RBFOX1: variants seen among roughly 807,000 people sequenced by gnomAD.
RBFOX1 encodes RNA binding protein fox-1 homolog 1.
A neutral mutation model predicts 57.7 loss-of-function variants in RBFOX1; 8 were observed. That is an observed-to-expected ratio of 0.14 (90% confidence interval 0.08 to 0.25). The LOEUF is 0.25. Among genes scored for constraint, RBFOX1 ranks in the 10% least tolerant of loss-of-function variants. RBFOX1 has a pLI of 1.00. For synonymous variants in RBFOX1, 326 were observed against 222.4 expected (o/e 1.47, Z -4.15); for missense variants, 611 against 548.5 (o/e 1.11, Z -1.14).
At chr16:6,658,599 A>G (rs761543214) in intron 3 of RBFOX1, among the ~76,000 whole-genome samples, 1 of 152,134 alleles carries the variant, frequency 6.6e-6, no homozygotes, top group Non-Finnish European at 1.5e-5. Flanking sequence ...AGAATAAAAG[A>G]ATTTTTATCC....
chr16:7,654,368 G>A (rs967729078), intron 12 of RBFOX1, among the ~76,000 whole-genome samples: 3 of 152,186 alleles, frequency 2.0e-5, no homozygotes, highest in East Asian at 1.9e-4. Context: ...CGTCTTGCTC[G>A]CCTCCCCAGG....
chr16:5,395,818 G>C (rs1236403682), intron 1 of RBFOX1, among the ~76,000 whole-genome samples: 1 of 152,224 alleles, frequency 6.6e-6, no homozygotes, highest in African/African-American at 2.4e-5. Flanking sequence ...CGGCCATTTG[G>C]GAGAAGCCCA....
intron 2 of RBFOX1, among the ~76,000 whole-genome samples, chr16:6,350,600 G>C (rs983914990): frequency 6.6e-6 from 1 of 151,560 alleles, no homozygotes; most frequent in South Asian, 2.1e-4. Flanking sequence ...GCCAACAATG[G>C]CATCCATACA....
chr16:7,050,332 C>T (rs2049592023), intron 3 of RBFOX1, among the ~76,000 whole-genome samples: 1 of 94,268 alleles, frequency 1.1e-5, no homozygotes, highest in Non-Finnish European at 2.5e-5. Flanking sequence ...ATGGTGGGAA[C>T]TCAGCTCACT....
chr16:6,943,946 C>G (rs929671666), intron 3 of RBFOX1, among the ~76,000 whole-genome samples: 6 of 152,162 alleles, frequency 3.9e-5, no homozygotes, highest in African/African-American at 9.7e-5. Flanking sequence ...TGGAGTCTCT[C>G]TGAATCTGCT....
At chr16:5,713,629 A>G (rs2051576242) in intron 3 of RBFOX1, among the ~76,000 whole-genome samples, 1 of 152,176 alleles carries the variant, frequency 6.6e-6, no homozygotes, top group Non-Finnish European at 1.5e-5. Context: ...TACATTCTAT[A>G]AGGAGCTATG....
intron 1 of RBFOX1, among the ~76,000 whole-genome samples, chr16:6,272,390 T>C (rs1238478153): frequency 6.6e-6 from 1 of 152,282 alleles, no homozygotes; most frequent in Admixed American, 6.5e-5. Flanking sequence ...AAAATATACT[T>C]AGGTGAAATT....
chr16:5,852,441 C>G (rs528093873), intron 3 of RBFOX1, among the ~76,000 whole-genome samples: 5 of 152,300 alleles, frequency 3.3e-5, no homozygotes, highest in Non-Finnish European at 5.9e-5. Flanking sequence ...GTGGATAGCT[C>G]CAGGGAGCTT....
intron 3 of RBFOX1, among the ~76,000 whole-genome samples, chr16:7,030,439 A>T (rs2042492922): frequency 1.3e-5 from 2 of 152,212 alleles, no homozygotes; most frequent in Admixed American, 6.5e-5. Flanking sequence ...AATGTCAGCA[A>T]GGCCAAGTTC....
Position 5,903,753 on chromosome 16 carries a change from C to T in RBFOX1, c.351+36418C>T, listed in dbSNP as rs535177180. The stretch of plus-strand genomic sequence containing the variant: ...CCTCCTCCCACCCCACAAACACTAC[C>T]TATGAGAGCTAGGCTGACTTAGATG... On this transcript the variant is annotated intron_variant, in intron 4 of 19. Coordinates refer to the RBFOX1 transcript ENST00000641259. Among the ~76,000 whole-genome samples, 5 of 152,268 alleles carry T rather than the reference C, an allele frequency of 3.3e-5. No individual in the cohort carries two copies. In the East Asian group the frequency reaches 9.7e-4, roughly 29 times the overall value.
intron 2 of RBFOX1, among the ~76,000 whole-genome samples, chr16:6,640,009 C>T (rs576722924): frequency 1.3e-5 from 2 of 152,126 alleles, no homozygotes; most frequent in East Asian, 3.9e-4. Context: ...TATGATGATA[C>T]CAGAGCTTTT....
At chr16:7,624,077 T>C (rs1247927729) in intron 10 of RBFOX1, among the ~76,000 whole-genome samples, 1 of 152,206 alleles carries the variant, frequency 6.6e-6, no homozygotes, top group African/African-American at 2.4e-5. Flanking sequence ...TACCTCTGGT[T>C]GGTAAGGTTT....
At chr16:6,710,749 G>A (rs770213622) in intron 3 of RBFOX1, among the ~76,000 whole-genome samples, 114 of 152,372 alleles carry the variant, frequency 7.5e-4, no homozygotes, top group African/African-American at 2.7e-3. Flanking sequence ...CAGGAAAATG[G>A]CCCTTGGCAA....
At chr16:5,857,025 C>G (rs1026051506) in intron 3 of RBFOX1, among the ~76,000 whole-genome samples, 1 of 152,130 alleles carries the variant, frequency 6.6e-6, no homozygotes, top group East Asian at 1.9e-4. Context: ...TTTTGACATG[C>G]TTTTCTCACA....
At chr16:5,818,056 T>G (rs565984586) in intron 3 of RBFOX1, among the ~76,000 whole-genome samples, 3 of 152,304 alleles carry the variant, frequency 2.0e-5, no homozygotes, top group East Asian at 3.9e-4. Context: ...TTGAACAGTT[T>G]TAAGCAGGAG....
chr16:5,374,349 T>C (rs1405138301), intron 1 of RBFOX1, among the ~76,000 whole-genome samples: 1 of 152,234 alleles, frequency 6.6e-6, no homozygotes, highest in Non-Finnish European at 1.5e-5. Context: ...ATAGAGGCTC[T>C]CCCTGAGGAG....
intron 1 of RBFOX1, among the ~76,000 whole-genome samples, chr16:6,244,915 T>C (rs2097560866): frequency 6.8e-6 from 1 of 146,782 alleles, no homozygotes; most frequent in Admixed American, 6.8e-5. Flanking sequence ...GCAAACTGAA[T>C]ACCCAGTTTT....
intron 3 of RBFOX1, among the ~76,000 whole-genome samples, chr16:6,715,866 T>A (rs897477896): frequency 1.3e-5 from 2 of 152,240 alleles, no homozygotes; most frequent in African/African-American, 4.8e-5. Flanking sequence ...TCTTAGGGTA[T>A]GAAGCCCCTT....
intron 1 of RBFOX1, among the ~76,000 whole-genome samples, chr16:5,252,217 T>C (rs2062470310): frequency 6.6e-6 from 1 of 152,192 alleles, no homozygotes; most frequent in African/African-American, 2.4e-5. Context: ...TGTGCACATG[T>C]GTGAGCACGG....
Sources: gnomAD v4.1 joint callset for allele counts (sites outside exome capture counted in the v4.1 genomes callset) on GRCh38, gnomAD v4.1.1 for gene constraint, MANE v1.5 for transcripts, NCBI Gene and HGNC (gene_info 2026-07-23, HGNC 2026-07-21) for gene names.